Variants in ZCCHC7 observed in about 807,000 individuals in gnomAD.
ZCCHC7 encodes zinc finger CCHC-type containing 7.
ZCCHC7 carries 35 observed loss-of-function variants against 52.0 expected under a neutral mutation model. The observed-to-expected ratio is 0.67, with a 90% CI of 0.51 to 0.89. The LOEUF (loss-of-function observed/expected upper bound fraction) is 0.89, where lower values mean the gene tolerates loss of function less well. Ranked by LOEUF, ZCCHC7 falls within the 40% of genes least tolerant of loss-of-function variation. The probability of loss-of-function intolerance (pLI) is 0.00; values close to 1 mark genes in which losing one functional copy is unlikely to be tolerated. For missense variants in ZCCHC7, 574 were observed against 649.1 expected, an observed-to-expected ratio of 0.88 and a Z score of 1.26; for synonymous variants, 217 against 221.5, an observed-to-expected ratio of 0.98 and a Z score of 0.18.
chr9:37,293,144 AAT>A (rs1271059540), intron 2 of ZCCHC7, among the ~76,000 whole-genome samples: 3 of 152,220 alleles, frequency 2.0e-5, no homozygotes, highest in Non-Finnish European at 4.4e-5. Context: ...CAATGAATGT[AAT>A]ATAAACATTT....
chr9:37,294,084 A>G (rs767847332), intron 2 of ZCCHC7, among the ~76,000 whole-genome samples: 3 of 152,230 alleles, frequency 2.0e-5, no homozygotes, highest in Admixed American at 6.5e-5. Context: ...AAAAATTTTA[A>G]TGACTAAAAC....
At chr9:37,250,140 G>A (rs911774871) in intron 2 of ZCCHC7, among the ~76,000 whole-genome samples, 3 of 152,084 alleles carry the variant, frequency 2.0e-5, no homozygotes, top group African/African-American at 7.2e-5. Context: ...ATTAAGTTCT[G>A]TGAAAAAATC....
chr9:37,238,598 T>G (rs1035092675), intron 2 of ZCCHC7, among the ~76,000 whole-genome samples: 2 of 152,194 alleles, frequency 1.3e-5, no homozygotes, highest in Non-Finnish European at 2.9e-5. Context: ...TCCACTTTTT[T>G]AAAAAATGGC....
intron 2 of ZCCHC7, chr9:37,186,794 A>G (rs1340538409): frequency 4.4e-6 from 2 of 456,790 alleles, no homozygotes; most frequent in East Asian, 3.4e-5. Flanking sequence ...TAATTAATAC[A>G]TGGGGGATGA....
chr9:37,124,338 A>C (rs1842450061), intron 1 of ZCCHC7, among the ~76,000 whole-genome samples: 1 of 151,798 alleles, frequency 6.6e-6, no homozygotes, highest in Non-Finnish European at 1.5e-5. Flanking sequence ...GAGTAGTCGA[A>C]AGACAACAGA....
intron 2 of ZCCHC7, among the ~76,000 whole-genome samples, chr9:37,150,933 G>A (rs1214008787): frequency 1.3e-5 from 2 of 150,940 alleles, no homozygotes; most frequent in African/African-American, 4.9e-5. Flanking sequence ...AATTTATAGA[G>A]ATATAACTTT....
intron 6 of ZCCHC7, among the ~76,000 whole-genome samples, chr9:37,331,664 T>G (rs1346817502): frequency 6.6e-6 from 1 of 151,738 alleles, no homozygotes; most frequent in Non-Finnish European, 1.5e-5. Context: ...TGGAATGTTT[T>G]TCCTTTAAAA....
intron 5 of ZCCHC7, among the ~76,000 whole-genome samples, chr9:37,316,868 CT>C (rs34953424): frequency 0.51 from 71,817 of 140,182 alleles, 17,906 homozygotes; most frequent in South Asian, 0.55. Context: ...ACATAAGCCT[CT>C]TTTTTTTTTT....
chr9:37,122,620 C>T (rs959898001), intron 1 of ZCCHC7, among the ~76,000 whole-genome samples: 1 of 152,168 alleles, frequency 6.6e-6, no homozygotes, highest in Non-Finnish European at 1.5e-5. Flanking sequence ...TTCAAAAAAT[C>T]TTAATTTGAA....
intron 6 of ZCCHC7, among the ~76,000 whole-genome samples, chr9:37,344,911 A>C (rs2118537517): frequency 6.6e-6 from 1 of 152,188 alleles, no homozygotes; most frequent in East Asian, 1.9e-4. Flanking sequence ...TGGGCCCAGC[A>C]CTCTGGTAAA....
rs1821730511 is a variant in ZCCHC7 at position 37,356,843 on chromosome 9, A to G, written c.1207A>G (p.Lys403Glu). Residue 403 changes from lysine (K) to glutamate (E), a missense_variant, in exon 9 of 9, where the codon AAA (lysine) becomes GAA (glutamate). Transcript: ENST00000336755. ...ACTTTTATATTTTTCAGTACTCAAGAAAAATGGGGTTATCCCAGAGCCATC... is the reference window on the plus strand; with the variant it reads ...ACTTTTATATTTTTCAGTACTCAAGGAAAATGGGGTTATCCCAGAGCCATC... ...RLKQKIKVLK[K>E]NGVIPEPSKL... is the part of the protein sequence containing the mutation. 2 of 1,579,512 alleles carry G rather than the reference A, an allele frequency of 1.3e-6. No homozygotes were observed. The highest frequency in any genetic ancestry group is 2.4e-5 in the South Asian group (2 of 84,118).
intron 6 of ZCCHC7, among the ~76,000 whole-genome samples, chr9:37,336,663 A>G (rs1830678378): frequency 6.6e-6 from 1 of 152,166 alleles, no homozygotes; most frequent in African/African-American, 2.4e-5. Flanking sequence ...CATGCAAAAT[A>G]TAGTAGCAGA....
chr9:37,357,079 T>G lies in ZCCHC7; in HGVS notation c.1443T>G (p.Ser481=). 1.2e-6 allele frequency: 2 copies of G among 1,613,794 alleles called. No homozygotes were observed. Among genetic ancestry groups the G allele is most frequent in the South Asian group, 2.2e-5 (2 of 91,074 alleles). The change falls in exon 9 of 9, where the codon TCT becomes TCG. Residue 481 remains serine (S), a synonymous_variant. Coordinates refer to ENST00000336755, the MANE Select transcript of ZCCHC7 (RefSeq NM_032226.3). ...TTCCCAGGGGCCCCAAAACCTACTC[T>G]TCTCCTGGCAGTTTTAAAACCCAGA... ...EDFPRGPKTY[S]SPGSFKTQKP...
At chr9:37,248,021 T>C (rs919617640) in intron 2 of ZCCHC7, among the ~76,000 whole-genome samples, 1 of 152,134 alleles carries the variant, frequency 6.6e-6, no homozygotes, top group Non-Finnish European at 1.5e-5. Flanking sequence ...GTATTGCCTA[T>C]TTATTCCTAT....
intron 2 of ZCCHC7, among the ~76,000 whole-genome samples, chr9:37,252,492 T>C (rs1826376841): frequency 2.0e-5 from 3 of 152,200 alleles, no homozygotes; most frequent in African/African-American, 7.2e-5. Context: ...ATTTCATCCC[T>C]TCTATTGTCC....
chr9:37,132,842 TA>T (rs962081898), intron 2 of ZCCHC7, among the ~76,000 whole-genome samples: 2 of 151,434 alleles, frequency 1.3e-5, no homozygotes, highest in African/African-American at 4.9e-5. Context: ...GCCGATGAGC[TA>T]AAAAAAAATT....
At chr9:37,336,988 C>G (rs1830697974) in intron 6 of ZCCHC7, among the ~76,000 whole-genome samples, 1 of 152,262 alleles carries the variant, frequency 6.6e-6, no homozygotes, top group East Asian at 1.9e-4. Context: ...ATGGCAGCTC[C>G]TCTCCGGACA....
chr9:37,207,885 T>G (rs1039196305), intron 2 of ZCCHC7, among the ~76,000 whole-genome samples: 82 of 152,346 alleles, frequency 5.4e-4, no homozygotes, highest in African/African-American at 2.0e-3. Context: ...TTCAAATTAA[T>G]AAGTTTTATT....
chr9:37,127,211 A>T (rs1343822084), intron 2 of ZCCHC7, among the ~76,000 whole-genome samples: 2 of 152,174 alleles, frequency 1.3e-5, no homozygotes, highest in Non-Finnish European at 2.9e-5. Context: ...GGCTAGAGCC[A>T]GTTCTGGACC....
Sources: gnomAD v4.1 joint callset for allele counts (sites outside exome capture counted in the v4.1 genomes callset) on GRCh38, gnomAD v4.1.1 for gene constraint, MANE v1.5 for transcripts, NCBI Gene and HGNC (gene_info 2026-07-23, HGNC 2026-07-21) for gene names.